The following ACSL1 variants were observed in gnomAD, a reference collection of about 807,000 sequenced individuals.
ACSL1 encodes acyl-CoA synthetase long chain family member 1.
ACSL1 carries 41 observed loss-of-function variants against 98.4 expected under a neutral mutation model. That is an observed-to-expected ratio of 0.42 (90% CI 0.32 to 0.54). The LOEUF (loss-of-function observed/expected upper bound fraction) is 0.54. ACSL1 is among the 20% of genes least tolerant of loss of function. The probability of loss-of-function intolerance (pLI) is 0.13; values close to 1 mark genes in which losing one functional copy is unlikely to be tolerated. For synonymous variants in ACSL1, 316 were observed against 322.7 expected (o/e 0.98, Z 0.22); for missense variants, 734 against 883.1 (o/e 0.83, Z 2.14).
At chr4:184,804,872 G>A (rs77669597) in intron 1 of ACSL1, among the ~76,000 whole-genome samples, 1 of 152,194 alleles carries the variant, frequency 6.6e-6, no homozygotes, top group Non-Finnish European at 1.5e-5. Context: ...TGCAGAACAA[G>A]TAAAGCACGC....
intron 1 of ACSL1, among the ~76,000 whole-genome samples, chr4:184,824,023 A>C (rs1320681775): frequency 4.6e-5 from 7 of 152,354 alleles, no homozygotes; most frequent in Non-Finnish European, 7.3e-5. Flanking sequence ...ATTTCTTTTC[A>C]GTCAGGCTGC....
At chr4:184,769,560 T>C (rs1251125124) in intron 11 of ACSL1, among the ~76,000 whole-genome samples, 1 of 152,208 alleles carries the variant, frequency 6.6e-6, no homozygotes, top group Non-Finnish European at 1.5e-5. Flanking sequence ...GTGAGATTGC[T>C]TTATAAACCC....
intron 5 of ACSL1, among the ~76,000 whole-genome samples, chr4:184,779,873 T>C (rs2150345397): frequency 6.6e-6 from 1 of 150,598 alleles, no homozygotes; most frequent in Admixed American, 6.6e-5. Context: ...GGTTTTCCTT[T>C]CTTTTTTTTT....
chr4:184,770,282 A>C (rs1345263713), intron 11 of ACSL1, 117 bp downstream of exon 11: 4 of 1,548,708 alleles, frequency 2.6e-6, no homozygotes, highest in Non-Finnish European at 3.5e-6. Context: ...AAATGTGAGC[A>C]AGTGGTAAAT....
rs142315737 is a variant in ACSL1, at chr4:184,776,618, G to A, written c.622C>T (p.Leu208Phe). Residue 208 changes from leucine (L) to phenylalanine (F), a missense_variant, in exon 7 of 21, where the codon CTC becomes TTC. By Grantham distance (22) the Leu-to-Phe change is conservative. Coordinates refer to ENST00000281455, the MANE Select transcript of ACSL1 (RefSeq NM_001995.5). ...VFVDKPEKAK[L>F]LLEGVENKLI... The stretch of plus-strand genomic sequence containing the variant: ...TTATTTTCTACACCCTCTAATAAGA[G>A]TTTGGCCTTCTCTGGCTTGTCAACA... 1 of 1,613,600 alleles carries A rather than the reference G, an allele frequency of 6.2e-7. No homozygotes were observed. The highest frequency in any genetic ancestry group is 8.5e-7 in the Non-Finnish European group (1 of 1,180,018).
At chr4:184,810,268 T>C (rs939720846) in intron 1 of ACSL1, among the ~76,000 whole-genome samples, 1 of 152,178 alleles carries the variant, frequency 6.6e-6, no homozygotes, top group African/African-American at 2.4e-5. Context: ...CAAGGACCCA[T>C]GACTAGGACT....
intron 17 of ACSL1, 106 bp from the exon 18 acceptor site, chr4:184,760,606 A>G (rs1488778414): frequency 2.8e-6 from 4 of 1,440,904 alleles, no homozygotes; most frequent in African/African-American, 2.8e-5. Context: ...CTATTGATTA[A>G]TTCTAATAAC....
chr4:184,802,051 G>C (rs997453664), intron 2 of ACSL1, among the ~76,000 whole-genome samples: 3 of 152,140 alleles, frequency 2.0e-5, no homozygotes, highest in Admixed American at 6.5e-5. Flanking sequence ...GAATCCCTTA[G>C]GAAAAGGGAG....
At chr4:184,819,253 CT>C (rs1772872636) in intron 1 of ACSL1, among the ~76,000 whole-genome samples, 1 of 151,728 alleles carries the variant, frequency 6.6e-6, no homozygotes, top group South Asian at 2.1e-4. Flanking sequence ...AGGGATTCTC[CT>C]GCCTCAGCCT....
Position 184,757,607 on chromosome 4 carries a change from AAT to A in ACSL1, c.1956+26_1956+27del. The A allele has an allele frequency of 6.3e-7, 1 of 1,593,530 alleles. No homozygotes were observed. Among genetic ancestry groups the A allele is most frequent in the South Asian group, 1.1e-5 (1 of 87,686 alleles). On this transcript the variant is annotated intron_variant, in intron 20 of 20. Coordinates refer to ENST00000281455, the MANE Select transcript of ACSL1 (RefSeq NM_001995.5). This position sits in a 1 kb window ranked among gnomAD's most constrained non-coding sequence, Gnocchi z 4.5. Reference sequence around the variant, plus strand: ...CTTAATGGAAAATTTGTTTTACAGGAATTCACCCACTCAGATGAAGGTCATAC... The same window carrying A: ...CTTAATGGAAAATTTGTTTTACAGGATCACCCACTCAGATGAAGGTCATAC...
rs1764807899 is a variant in ACSL1, at chr4:184,773,467, A to ATT, written c.841+195_841+196insAA. ...GGTGAATCTAATATCACCCTCAATA[A>ATT]ATGTTTGAGGAATTATCCGGCACTC... On this transcript the variant is annotated intron_variant, in intron 9 of 20. Transcript: ENST00000281455. This position sits in a 1 kb window ranked among gnomAD's most constrained non-coding sequence, Gnocchi z 4.3. 6.6e-6 allele frequency among the ~76,000 whole-genome samples: 1 copy of ATT among 152,148 alleles called. No homozygotes were observed. Among genetic ancestry groups the ATT allele is most frequent in the Non-Finnish European group, 1.5e-5 (1 of 68,036 alleles).
intron 3 of ACSL1, among the ~76,000 whole-genome samples, chr4:184,787,580 A>G (rs990273841): frequency 2.0e-5 from 3 of 152,106 alleles, no homozygotes; most frequent in Non-Finnish European, 4.4e-5. Flanking sequence ...AAAAAAGTGC[A>G]TGGCCGGGCA....
At chr4:184,819,864 T>C (rs1056359635) in intron 1 of ACSL1, among the ~76,000 whole-genome samples, 13 of 152,162 alleles carry the variant, frequency 8.5e-5, no homozygotes, top group African/African-American at 3.1e-4. Flanking sequence ...CCTTCACTGT[T>C]TAAATTGGAG....
In ACSL1 at chr4:184,760,452, C is replaced by A. The variant is rs138288160; in HGVS notation, c.1687G>T (p.Ala563Ser). The A allele has an allele frequency of 1.6e-5, 26 of 1,614,004 alleles. No homozygotes were observed. Among genetic ancestry groups the A allele is most frequent in the African/African-American group, 4.0e-5 (3 of 74,904 alleles). Reference sequence around the variant, plus strand: ...TCAGGGGCTATGTATTCTCCTTGTGCCAGCTTAAATATGTGCTTTTTCCGG... The same window carrying A: ...TCAGGGGCTATGTATTCTCCTTGTGACAGCTTAAATATGTGCTTTTTCCGG... Reference protein sequence around the residue: ...IDRKKHIFKLAQGEYIAPEKI... With the variant: ...IDRKKHIFKLSQGEYIAPEKI... The change falls in exon 18 of 21, where the codon GCA becomes TCA. Residue 563 changes from alanine (A) to serine (S), a missense_variant. Transcript: ENST00000281455.
At chr4:184,783,045 G>A (rs879779) in intron 4 of ACSL1, among the ~76,000 whole-genome samples, 18,655 of 152,208 alleles carry the variant, frequency 0.12, 1,481 homozygotes, top group Non-Finnish European at 0.17. Context: ...GGGGGGCCAG[G>A]GACGGGAGCC....
At chr4:184,770,703 T>C (rs1420797049) in intron 10 of ACSL1, among the ~76,000 whole-genome samples, 1 of 151,888 alleles carries the variant, frequency 6.6e-6, no homozygotes, top group Non-Finnish European at 1.5e-5. Context: ...ACTTAAAGTA[T>C]AATAATAATA....
intron 15 of ACSL1, 128 bp from the exon 16 acceptor site, chr4:184,763,383 T>C (rs1452358794): frequency 3.8e-6 from 3 of 796,032 alleles, no homozygotes; most frequent in Non-Finnish European, 6.1e-6. Flanking sequence ...TTTCTGCAAT[T>C]ACAGCCATTC....
In ACSL1 at chr4:184,757,857, C is replaced by T. The variant is rs749141092; in HGVS notation, c.1846G>A (p.Gly616Arg). 1.1e-5 allele frequency: 17 copies of T among 1,614,010 alleles called. No homozygotes were observed. The highest frequency in any genetic ancestry group is 1.6e-4 in the Middle Eastern group (1 of 6,084). ...ETLCSWAQKR[G>R]FEGSFEELCR... Reference sequence around the variant, plus strand: ...AGTTCCTCAAACGACCCTTCAAATCCTCTCTTTTGGGCCCAGGAACATAAT... The same window carrying T: ...AGTTCCTCAAACGACCCTTCAAATCTTCTCTTTTGGGCCCAGGAACATAAT... The change falls in exon 19 of 21, where the codon GGA becomes AGA. Residue 616 changes from glycine (G) to arginine (R), a missense_variant. Coordinates refer to ENST00000281455, the MANE Select transcript of ACSL1 (RefSeq NM_001995.5). The surrounding 1 kb of genome is among the most constrained non-coding windows in gnomAD (Gnocchi z 4.5).
Position 184,825,407 on chromosome 4 carries a change from G to T in ACSL1, c.-33+509C>A. 1 of 257,018 alleles carries T rather than the reference G, an allele frequency of 3.9e-6. No homozygotes were observed. Among genetic ancestry groups the T allele is most frequent in the Non-Finnish European group, 6.1e-6 (1 of 164,220 alleles). The allele number at this position is 257,018 out of a possible 1,614,324, so 15.9% of individuals were successfully genotyped here. On this transcript the variant is annotated intron_variant, in intron 1 of 20. Coordinates refer to ENST00000281455, the MANE Select transcript of ACSL1 (RefSeq NM_001995.5). The surrounding 1 kb of genome is among the most constrained non-coding windows in gnomAD (Gnocchi z 4.7). Reference sequence around the variant, plus strand: ...CCTCTGAGCTGCCTGTGGGCCTCGTGCCGCCGCGCTGCGTGGGGCCGGCAT... The same window carrying T: ...CCTCTGAGCTGCCTGTGGGCCTCGTTCCGCCGCGCTGCGTGGGGCCGGCAT...
Sources: gnomAD v4.1 joint callset for allele counts (sites outside exome capture counted in the v4.1 genomes callset) on GRCh38, gnomAD v4.1.1 for gene constraint, Gnocchi (gnomAD v3.1) non-coding constraint, MANE v1.5 for transcripts, NCBI Gene and HGNC (gene_info 2026-07-23, HGNC 2026-07-21) for gene names.